Variants in AP2S1 observed in about 807,000 individuals in gnomAD.
AP2S1 encodes adaptor related protein complex 2 subunit sigma 1, also known as AP-2 complex subunit sigma.
A neutral mutation model predicts 21.0 loss-of-function variants in AP2S1; 6 were observed. That is an observed-to-expected ratio of 0.29 (90% CI 0.16 to 0.56). AP2S1 has a LOEUF of 0.56. Ranked by LOEUF, AP2S1 falls within the 20% of genes least tolerant of loss-of-function variation. The probability of loss-of-function intolerance (pLI) is 0.92; values close to 1 mark genes in which losing one functional copy is unlikely to be tolerated. For synonymous variants in AP2S1, 63 were observed against 74.6 expected (o/e 0.84, Z 0.80); for missense variants, 60 against 186.2 (o/e 0.32, Z 3.95).
intron 1 of AP2S1, 78 bp from the exon 2 acceptor site, chr19:46,846,220 A>T (rs1326624823): frequency 6.4e-7 from 1 of 1,562,884 alleles, no homozygotes; most frequent in Non-Finnish European, 8.7e-7. Context: ...GGCCCCACCC[A>T]TCCACCCAGA....
intron 1 of AP2S1, among the ~76,000 whole-genome samples, chr19:46,848,664 A>G (rs185360042): frequency 2.0e-5 from 3 of 152,114 alleles, no homozygotes; most frequent in East Asian, 1.9e-4. Flanking sequence ...CCTGACCCCA[A>G]CTTGTGGGAG....
chr19:46,849,142 A>T (rs1441426876), intron 1 of AP2S1, among the ~76,000 whole-genome samples: 1 of 148,644 alleles, frequency 6.7e-6, no homozygotes, highest in Non-Finnish European at 1.5e-5. Flanking sequence ...AGTAGCTGGG[A>T]TTACAGGCAT....
chr19:46,849,310 G>GTCTTTTCTTAGGAAAGAGAGTCCACTC lies in AP2S1; in HGVS notation c.3+1453_3+1454insGAGTGGACTCTCTTTCCTAAGAAAAGA, dbSNP rs761973011. Among the ~76,000 whole-genome samples, 942 of 152,108 alleles carry GTCTTTTCTTAGGAAAGAGAGTCCACTC rather than the reference G, an allele frequency of 6.2e-3. 5 individuals carry two copies. Among genetic ancestry groups the GTCTTTTCTTAGGAAAGAGAGTCCACTC allele is most frequent in the South Asian group, 0.02 (95 of 4,822 alleles). On this transcript the variant is annotated intron_variant, in intron 1 of 4. Coordinates refer to ENST00000263270, the MANE Select transcript of AP2S1 (RefSeq NM_004069.6). ...CATGAGTCACCGCCCCAGCCTGAGA[G>GTCTTTTCTTAGGAAAGAGAGTCCACTC]TCTTTCCTAAGCCTCATTCTCCACA... is the stretch of plus-strand genomic sequence containing the variant.
intron 1 of AP2S1, among the ~76,000 whole-genome samples, chr19:46,849,195 G>A (rs778463413): frequency 8.7e-5 from 12 of 137,522 alleles, no homozygotes; most frequent in Admixed American, 2.2e-4. Flanking sequence ...TAGTAGAGAC[G>A]GGGTCTCACC....
At chr19:46,843,884 T>G (rs1040649558) in intron 2 of AP2S1, among the ~76,000 whole-genome samples, 15 of 152,008 alleles carry the variant, frequency 9.9e-5, no homozygotes, top group Admixed American at 5.3e-4. Context: ...CAAGACCGTG[T>G]CTCTAAAAAA....
intron 2 of AP2S1, among the ~76,000 whole-genome samples, chr19:46,843,203 T>C (rs2055559167): frequency 6.6e-6 from 1 of 152,180 alleles, no homozygotes; most frequent in Non-Finnish European, 1.5e-5. Context: ...GCCATTCAGC[T>C]GGGTCCACCT....
Position 46,850,832 on chromosome 19 carries a change from G to A in AP2S1, c.-66C>T. 3 of 1,467,392 alleles carry A rather than the reference G, an allele frequency of 2.0e-6. No individual in the cohort carries two copies. Among genetic ancestry groups the A allele is most frequent in the Admixed American group, 4.2e-5 (2 of 47,068 alleles). 90.9% of individuals were successfully genotyped at this position (1,467,392 alleles called of 1,614,324 possible). On this transcript the variant is annotated 5_prime_UTR_variant, in exon 1 of 5. Transcript: ENST00000263270. ...CGACTGGGCAGCTCCGGCTCAGGGT[G>A]CAGTTGTAGGGCCCAGAGCTAGAGC... is the stretch of plus-strand genomic sequence containing the variant.
rs547952455 is a variant in AP2S1, at chr19:46,843,647, C to T, written c.153+2346G>A. Among the ~76,000 whole-genome samples the T allele has an allele frequency of 7.2e-5, 11 of 152,044 alleles. No homozygotes were observed. The East Asian group carries it at 7.7e-4, about 11-fold the overall frequency. The stretch of plus-strand genomic sequence containing the variant: ...CTGAGGTGGGAGAATTGCTTGACCC[C>T]GAGAGGCAGAGGTTGCAGTGAGCTG... On this transcript the variant is annotated intron_variant, in intron 2 of 4. Transcript: ENST00000263270.
intron 2 of AP2S1, 64 bp downstream of exon 2, chr19:46,845,929 C>T: frequency 6.2e-7 from 1 of 1,602,820 alleles, no homozygotes. Flanking sequence ...AGAAGCTGGG[C>T]AGGGAGTGGC....
intron 2 of AP2S1, among the ~76,000 whole-genome samples, chr19:46,839,815 C>G (rs1482185513): frequency 8.2e-6 from 1 of 122,160 alleles, no homozygotes; most frequent in East Asian, 2.1e-4. Flanking sequence ...AAGAGGGTGC[C>G]TAACCCCCTC....
rs1299267640 is a variant in AP2S1, at chr19:46,845,028, G to A, written c.153+965C>T. The stretch of plus-strand genomic sequence containing the variant: ...GAGGCAGAGAATAGCTTGAACCCTG[G>A]AGGAGGTTGCAGTGAGCCAAGATTG... On this transcript the variant is annotated intron_variant, in intron 2 of 4. Transcript: ENST00000263270. Among the ~76,000 whole-genome samples the A allele has an allele frequency of 2.0e-5, 3 of 149,032 alleles. No individual in the cohort carries two copies. In the Admixed American group the frequency reaches 2.0e-4, roughly 10 times the overall value.
intron 1 of AP2S1, among the ~76,000 whole-genome samples, chr19:46,848,430 CTAAG>C (rs1456446303): frequency 6.6e-6 from 1 of 152,146 alleles, no homozygotes; most frequent in East Asian, 1.9e-4. Context: ...CTGGCACGTA[CTAAG>C]TGTTACATAA....
At chr19:46,849,159 C>T (rs2055689911) in intron 1 of AP2S1, among the ~76,000 whole-genome samples, 1 of 151,706 alleles carries the variant, frequency 6.6e-6, no homozygotes, top group Non-Finnish European at 1.5e-5. Context: ...GCATCCACCA[C>T]CACACCTGGC....
intron 1 of AP2S1, among the ~76,000 whole-genome samples, chr19:46,847,504 T>C (rs1423030581): frequency 6.6e-6 from 1 of 152,060 alleles, no homozygotes; most frequent in African/African-American, 2.4e-5. Context: ...CGTGAGCCAC[T>C]GCACCCCACC....
At chr19:46,846,367 C>T (rs573675102) in intron 1 of AP2S1, among the ~76,000 whole-genome samples, 1 of 152,180 alleles carries the variant, frequency 6.6e-6, no homozygotes, top group East Asian at 1.9e-4. Flanking sequence ...ACTTCCCTTC[C>T]ACAAGTCTCC....
chr19:46,843,454 A>C (rs556865039), intron 2 of AP2S1, among the ~76,000 whole-genome samples: 10 of 152,268 alleles, frequency 6.6e-5, no homozygotes, highest in African/African-American at 2.4e-4. Context: ...AGGCGTGGTC[A>C]CTCATGGCTG....
Position 46,843,949 on chromosome 19 carries a change from T to C in AP2S1, c.153+2044A>G, listed in dbSNP as rs937024819. 5.3e-5 allele frequency among the ~76,000 whole-genome samples: 8 copies of C among 151,940 alleles called. No homozygotes were observed. In the South Asian group the frequency reaches 8.3e-4, roughly 16 times the overall value. The stretch of plus-strand genomic sequence containing the variant: ...TTTTTTGAGAGGAGTCTTGTTCTGT[T>C]GCCCAGGCTGGAGTGCAATGGCACG... On this transcript the variant is annotated intron_variant, in intron 2 of 4. Coordinates refer to ENST00000263270, the MANE Select transcript of AP2S1 (RefSeq NM_004069.6).
chr19:46,846,207 A>G (rs2055630493), intron 1 of AP2S1, 65 bp from the exon 2 acceptor site: 1 of 1,588,370 alleles, frequency 6.3e-7, no homozygotes, highest in African/African-American at 1.3e-5. Flanking sequence ...GGTGCTGCCC[A>G]ACGGCCCCAC....
chr19:46,841,566 C>T (rs558004155), intron 2 of AP2S1, among the ~76,000 whole-genome samples: 1 of 152,322 alleles, frequency 6.6e-6, no homozygotes, highest in East Asian at 1.9e-4. Flanking sequence ...CTGCCCCAGC[C>T]TGACCACTGC....
Sources: allele counts gnomAD v4.1 joint callset (sites outside exome capture counted in the v4.1 genomes callset), GRCh38; gene constraint gnomAD v4.1.1; transcripts MANE v1.5; gene names NCBI Gene and HGNC (gene_info 2026-07-23, HGNC 2026-07-21).